LRRTM1: variants seen among roughly 807,000 people sequenced by gnomAD.
The protein encoded by LRRTM1 is leucine-rich repeat transmembrane neuronal protein 1.
A neutral mutation model predicts 37.3 loss-of-function variants in LRRTM1; 8 were observed. That is an observed-to-expected ratio of 0.21 (90% CI 0.13 to 0.39). The LOEUF is 0.39. LRRTM1 is among the 10% of genes least tolerant of loss of function. LRRTM1 has a pLI of 1.00. For missense variants in LRRTM1, 557 were observed against 691.0 expected (o/e 0.81, Z 2.17); for synonymous variants, 326 against 316.8 (o/e 1.03, Z -0.31).
At chr2:80,300,438 T>C (rs572490697), downstream of LRRTM1, among the ~76,000 whole-genome samples, 4 of 152,172 alleles carry the variant, frequency 2.6e-5, no homozygotes, top group South Asian at 8.3e-4. Context: ...GGTTTCTCCA[T>C]AGGTAAAAGA....
chr2:80,302,662 G>A lies in LRRTM1; in HGVS notation c.1158C>T (p.Pro386=), dbSNP rs752248831. 6.2e-7 allele frequency: 1 copy of A among 1,610,418 alleles called. No individual in the cohort carries two copies. The highest frequency in any genetic ancestry group is 1.3e-5 in the African/African-American group (1 of 75,034). Residue 386 remains proline (P), a synonymous_variant, in exon 2 of 2, where the codon CCC becomes CCT. Transcript: ENST00000295057. This position sits in a 1 kb window ranked among gnomAD's most constrained non-coding sequence, Gnocchi z 6.4. ...SAVTNRSDLG[P]PASSATTLAD... ...CGAGCGTGGTGGCCGAGCTGGCAGG[G>A]GGCCCCAGATCACTGCGGTTGGTGA... is the stretch of plus-strand genomic sequence containing the variant.
rs752736037 is a variant in LRRTM1, at chr2:80,303,364, G to C, written c.456C>G (p.Leu152=). 2.3e-4 allele frequency: 373 copies of C among 1,613,992 alleles called. 2 individuals are homozygous for C. Among genetic ancestry groups the C allele is most frequent in the Non-Finnish European group, 1.5e-5 (18 of 1,180,048 alleles). ...VDLSYNKLQA[L]APDLFHGLRK... ...GCAGCCCGTGGAAGAGGTCGGGCGC[G>C]AGCGCCTGCAGCTTGTTGTACGAGA... Residue 152 remains leucine (L), a synonymous_variant, in exon 2 of 2, where the codon CTC becomes CTG. Transcript: ENST00000295057. This position sits in a 1 kb window ranked among gnomAD's most constrained non-coding sequence, Gnocchi z 7.7.
rs1344337236 is a variant in LRRTM1, at chr2:80,302,211, G to T, written c.*40C>A. On this transcript the variant is annotated 3_prime_UTR_variant, in exon 2 of 2. Coordinates refer to ENST00000295057, the MANE Select transcript of LRRTM1 (RefSeq NM_178839.5). This position sits in a 1 kb window ranked among gnomAD's most constrained non-coding sequence, Gnocchi z 6.4. ...CCGCCGGCCCGTCCCGGCTGCCCAG[G>T]CGTATTTGGTAGCGCATGGGTTGAG... 15 of 1,586,504 alleles carry T rather than the reference G, an allele frequency of 9.5e-6. No individual in the cohort carries two copies. Among genetic ancestry groups the T allele is most frequent in the Admixed American group, 1.7e-5 (1 of 58,880 alleles).
Position 80,302,556 on chromosome 2 carries a change from C to A in LRRTM1, c.1264G>T (p.Ala422Ser), listed in dbSNP as rs777356920. Residue 422 changes from alanine to serine, a missense_variant, in exon 2 of 2, where the codon GCC (alanine) becomes TCC (serine). Around this residue, in one of 5 missense-constraint regions of LRRTM1, gnomAD observed 90 missense variants for 149.4 expected, o/e 0.60. Coordinates refer to ENST00000295057, the MANE Select transcript of LRRTM1 (RefSeq NM_178839.5). This position sits in a 1 kb window ranked among gnomAD's most constrained non-coding sequence, Gnocchi z 6.4. ...ALPGGEHAENAVQIHKVVTGT... is the reference protein window; with the variant it reads ...ALPGGEHAENSVQIHKVVTGT... Reference sequence around the variant, plus strand: ...GTGACCACCTTGTGGATCTGCACGGCGTTCTCGGCGTGCTCGCCGCCTGGA... The same window carrying A: ...GTGACCACCTTGTGGATCTGCACGGAGTTCTCGGCGTGCTCGCCGCCTGGA... The A allele has an allele frequency of 6.2e-7, 1 of 1,608,854 alleles. No homozygotes were observed. Among genetic ancestry groups the A allele is most frequent in the Admixed American group, 1.7e-5 (1 of 60,020 alleles).
chr2:80,289,829 G>T (rs547096557), intron 2 of LRRTM1, among the ~76,000 whole-genome samples: 1 of 152,266 alleles, frequency 6.6e-6, no homozygotes, highest in South Asian at 2.1e-4. Context: ...TTCCTAATAA[G>T]AAGTCAAAAG....
In LRRTM1 at chr2:80,303,911, C is replaced by CG. The variant is rs1206791876; in HGVS notation, c.-59-34dup. The CG allele has an allele frequency of 5.1e-6, 7 of 1,383,914 alleles. No individual in the cohort carries two copies. The highest frequency in any genetic ancestry group is 6.6e-6 in the Non-Finnish European group (7 of 1,058,714). The allele number at this position is 1,383,914 out of a possible 1,614,324, so 85.7% of individuals were successfully genotyped here. Reference sequence around the variant, plus strand: ...ATATTTTATTCCGAGGGAGGGGAAGCGGGGGAGGGGGAGAAAAGGGCAAAA... The same window carrying CG: ...ATATTTTATTCCGAGGGAGGGGAAGCGGGGGGAGGGGGAGAAAAGGGCAAAA... On this transcript the variant is annotated intron_variant, in intron 1 of 1. Coordinates refer to ENST00000295057, the MANE Select transcript of LRRTM1 (RefSeq NM_178839.5). This position sits in a 1 kb window ranked among gnomAD's most constrained non-coding sequence, Gnocchi z 7.7.
Position 80,304,476 on chromosome 2 carries a change from A to T in LRRTM1, c.-384T>A, listed in dbSNP as rs1459062081. ...AAAAACTCCAAACTCGGGGCTCGCG[A>T]CTCCCCAGGATCTGACAGTCTGGTT... On this transcript the variant is annotated 5_prime_UTR_variant, in exon 1 of 2. Transcript: ENST00000295057. 2.0e-5 allele frequency: 3 copies of T among 152,208 alleles called. No homozygotes were observed. In the South Asian group the frequency reaches 6.0e-4, roughly 31 times the overall value. 9.4% of individuals were successfully genotyped at this position (152,208 alleles called of 1,614,324 possible). A position where few individuals can be genotyped will look rare whatever the true frequency, so the allele number is the denominator to read the frequency against.
chr2:80,296,919 C>T (rs1675797113), downstream of LRRTM1, among the ~76,000 whole-genome samples: 1 of 152,164 alleles, frequency 6.6e-6, no homozygotes, highest in Non-Finnish European at 1.5e-5. Flanking sequence ...GTACCATAGA[C>T]ACATGATCCA....
intron 2 of LRRTM1, among the ~76,000 whole-genome samples, chr2:80,294,516 A>G (rs981153315): frequency 1.3e-5 from 2 of 152,050 alleles, no homozygotes; most frequent in African/African-American, 2.4e-5. Context: ...GTCTTTTTAA[A>G]GAGCTGCAGT....
chr2:80,302,632 G>T lies in LRRTM1; in HGVS notation c.1188C>A (p.Asp396Glu). 1 of 1,606,752 alleles carries T rather than the reference G, an allele frequency of 6.2e-7. No homozygotes were observed. Among genetic ancestry groups the T allele is most frequent in the East Asian group, 2.2e-5 (1 of 44,800 alleles). Residue 396 changes from aspartate to glutamate, a missense_variant, in exon 2 of 2, where the codon GAC becomes GAA. By Grantham distance (45) the Asp-to-Glu change is conservative. This residue lies in a region of LRRTM1 where 89 missense variants were observed against 80.7 expected (regional missense o/e 1.10). Coordinates refer to ENST00000295057, the MANE Select transcript of LRRTM1 (RefSeq NM_178839.5). The surrounding 1 kb of genome is among the most constrained non-coding windows in gnomAD (Gnocchi z 6.4). Reference sequence around the variant, plus strand: ...TGCCGTCGTGCTGCCCCTCCCCGCCGTCCGCGAGCGTGGTGGCCGAGCTGG... The same window carrying T: ...TGCCGTCGTGCTGCCCCTCCCCGCCTTCCGCGAGCGTGGTGGCCGAGCTGG... ...PPASSATTLADGGEGQHDGTF... is the reference protein window; with the variant it reads ...PPASSATTLAEGGEGQHDGTF...
rs1231284042 is a variant in LRRTM1, at chr2:80,302,941, G to T, written c.879C>A (p.Thr293=). The T allele has an allele frequency of 6.2e-7, 1 of 1,614,022 alleles. No homozygotes were observed. The highest frequency in any genetic ancestry group is 2.2e-5 in the East Asian group (1 of 44,850). The part of the protein sequence containing the change: ...QSLQLDSNRL[T]YIEPRILNSW... ...AGTTGAGGATCCGGGGCTCGATGTAGGTGAGGCGGTTGGAGTCCAGCTGCA... is the reference window on the plus strand; with the variant it reads ...AGTTGAGGATCCGGGGCTCGATGTATGTGAGGCGGTTGGAGTCCAGCTGCA... Residue 293 remains threonine, a synonymous_variant, in exon 2 of 2, where the codon ACC becomes ACA. Coordinates refer to ENST00000295057, the MANE Select transcript of LRRTM1 (RefSeq NM_178839.5). The surrounding 1 kb of genome is among the most constrained non-coding windows in gnomAD (Gnocchi z 6.4).
downstream of LRRTM1, among the ~76,000 whole-genome samples, chr2:80,297,054 C>A (rs1231056082): frequency 6.6e-6 from 1 of 152,212 alleles, no homozygotes; most frequent in Non-Finnish European, 1.5e-5. Flanking sequence ...GCCATTTCTT[C>A]TCCTGGAACC....
At chr2:80,295,448 A>G (rs184344579) in intron 2 of LRRTM1, among the ~76,000 whole-genome samples, 2 of 151,760 alleles carry the variant, frequency 1.3e-5, no homozygotes, top group East Asian at 3.9e-4. Context: ...CTCTCAGTGA[A>G]TTTTTTTTTA....
intron 2 of LRRTM1, among the ~76,000 whole-genome samples, chr2:80,296,019 C>T (rs1329050970): frequency 1.3e-5 from 2 of 152,088 alleles, no homozygotes; most frequent in African/African-American, 4.8e-5. Context: ...ACTCACCAGA[C>T]TGAGCACATT....
At chr2:80,290,897 C>T (rs561028805) in intron 2 of LRRTM1, among the ~76,000 whole-genome samples, 17 of 152,274 alleles carry the variant, frequency 1.1e-4, no homozygotes, top group African/African-American at 3.4e-4. Flanking sequence ...CCAGCAATGA[C>T]GTAAAACACT....
chr2:80,291,349 G>A (rs1388137466), intron 2 of LRRTM1, among the ~76,000 whole-genome samples: 1 of 152,164 alleles, frequency 6.6e-6, no homozygotes, highest in African/African-American at 2.4e-5. Context: ...CACCACTACA[G>A]ACCTAAGAAA....
At position 80,303,043 on chromosome 2, in the gene LRRTM1, C is replaced by A; in HGVS notation, c.777G>T (p.Glu259Asp). The A allele has an allele frequency of 6.2e-7, 1 of 1,613,888 alleles. No homozygotes were observed. The highest frequency in any genetic ancestry group is 8.5e-7 in the Non-Finnish European group (1 of 1,180,002). Residue 259 changes from glutamate to aspartate, a missense_variant, in exon 2 of 2, where the codon GAG becomes GAT. By Grantham distance (45) the Glu-to-Asp change is conservative. Transcript: ENST00000295057. This position sits in a 1 kb window ranked among gnomAD's most constrained non-coding sequence, Gnocchi z 7.7. Reference protein sequence around the residue: ...VSSLDWVWNLEKMDLSGNEIE... With the variant: ...VSSLDWVWNLDKMDLSGNEIE... Reference sequence around the variant, plus strand: ...TCTCGTTGCCCGACAAGTCCATTTTCTCCAGGTTCCAAACCCAGTCCAGCG... The same window carrying A: ...TCTCGTTGCCCGACAAGTCCATTTTATCCAGGTTCCAAACCCAGTCCAGCG...
exon 3 of LRRTM1, chr2:80,288,498 G>A (rs1674965750): frequency 6.6e-6 from 1 of 152,190 alleles, no homozygotes; most frequent in African/African-American, 2.4e-5. Flanking sequence ...AACAGAAGCT[G>A]TTTATTACAG....
At chr2:80,291,159 T>TG (rs1675204054) in intron 2 of LRRTM1, among the ~76,000 whole-genome samples, 1 of 152,232 alleles carries the variant, frequency 6.6e-6, no homozygotes, top group Admixed American at 6.5e-5. Context: ...TTTTTCCTCG[T>TG]GGGATTTAGT....
Sources: allele counts gnomAD v4.1 joint callset (sites outside exome capture counted in the v4.1 genomes callset), GRCh38; gene constraint gnomAD v4.1.1; regional missense constraint gnomAD v4.1.1; non-coding constraint Gnocchi (gnomAD v3.1); transcripts MANE v1.5; gene names NCBI Gene and HGNC (gene_info 2026-07-23, HGNC 2026-07-21).